COL22A1: variants seen among roughly 807,000 people sequenced by gnomAD.
COL22A1 encodes the protein collagen alpha-1(XXII) chain.
A neutral mutation model predicts 248.9 loss-of-function variants in COL22A1; 221 were observed. The observed-to-expected ratio is 0.89, with a 90% CI of 0.80 to 0.99. COL22A1 has a LOEUF of 0.99. Ranked by LOEUF, COL22A1 falls within the 50% of genes least tolerant of loss-of-function variation. The pLI is 0.00. For missense variants in COL22A1, 2,240 were observed against 2,179.0 expected (o/e 1.03, Z -0.56); for synonymous variants, 891 against 793.4 (o/e 1.12, Z -2.07).
intron 37 of COL22A1, 34 bp from the exon 38 acceptor site, chr8:138,685,346 T>C (rs1299866658): frequency 1.9e-6 from 3 of 1,569,550 alleles, no homozygotes; most frequent in Admixed American, 3.4e-5. Flanking sequence ...CCAGGGTCAA[T>C]TACACTCAGC....
chr8:138,876,518 C>T (rs969954379), intron 3 of COL22A1, among the ~76,000 whole-genome samples: 3 of 152,278 alleles, frequency 2.0e-5, no homozygotes, highest in East Asian at 1.9e-4. Context: ...AAAAGTAGAG[C>T]CCTGATAAGT....
intron 2 of COL22A1, among the ~76,000 whole-genome samples, chr8:138,880,547 A>T (rs576180986): frequency 1.3e-5 from 2 of 152,308 alleles, no homozygotes; most frequent in South Asian, 4.1e-4. Context: ...ATGCTTCCCT[A>T]TGTGACCCGA....
chr8:138,846,288 C>T (rs751010099), intron 3 of COL22A1, among the ~76,000 whole-genome samples: 8 of 152,128 alleles, frequency 5.3e-5, no homozygotes, highest in East Asian at 3.9e-4. Context: ...AAATTTAAGA[C>T]GAGTTGACTC....
intron 3 of COL22A1, among the ~76,000 whole-genome samples, chr8:138,865,554 AGTGT>A: frequency 8.9e-6 from 1 of 112,918 alleles, no homozygotes; most frequent in East Asian, 2.7e-4. Flanking sequence ...TATGCCTGTG[AGTGT>A]ATGTGTGTGT....
At position 138,881,529 on chromosome 8, in the gene COL22A1, C is replaced by CA. The variant is rs373087181; in HGVS notation, c.91+1552dup. On this transcript the variant is annotated intron_variant, in intron 2 of 64. Transcript: ENST00000303045. ...TGAAACCCCGTCTCTACTAAAAATA[C>CA]AAAAAATTAGCCAGGCATGGTGGCA... Among the ~76,000 whole-genome samples, 836 of 152,082 alleles carry CA rather than the reference C, an allele frequency of 5.5e-3. 9 individuals carry two copies. Among genetic ancestry groups the CA allele is most frequent in the African/African-American group, 0.019 (802 of 41,470 alleles).
intron 62 of COL22A1, among the ~76,000 whole-genome samples, chr8:138,595,654 T>TCGTTG (rs1564075705): frequency 6.6e-6 from 1 of 151,946 alleles, no homozygotes; most frequent in African/African-American, 2.4e-5. Context: ...TCGTGTTCTT[T>TCGTTG]TTCCTGCATG....
intron 10 of COL22A1, among the ~76,000 whole-genome samples, chr8:138,805,980 GAT>G (rs1817580909): frequency 8.2e-6 from 1 of 121,402 alleles, no homozygotes; most frequent in Non-Finnish European, 1.9e-5. Context: ...TAGTGTGTGT[GAT>G]TGTGTGTGAT....
chr8:138,719,707 C>T (rs939598929), intron 27 of COL22A1, among the ~76,000 whole-genome samples: 4 of 152,238 alleles, frequency 2.6e-5, no homozygotes, highest in African/African-American at 9.6e-5. Context: ...GTCAGCTTCC[C>T]CCACTGTGTG....
chr8:138,823,261 A>C (rs573473351), intron 6 of COL22A1, among the ~76,000 whole-genome samples: 1 of 152,346 alleles, frequency 6.6e-6, no homozygotes, highest in South Asian at 2.1e-4. Context: ...ACATTTATAT[A>C]GTATTTATTA....
At chr8:138,706,122 C>T (rs1219645669) in intron 30 of COL22A1, among the ~76,000 whole-genome samples, 1 of 152,140 alleles carries the variant, frequency 6.6e-6, no homozygotes, top group Non-Finnish European at 1.5e-5. Context: ...TACAGGAGCA[C>T]CCAGATTCAT....
chr8:138,834,433 A>G (rs1820283135), intron 4 of COL22A1, among the ~76,000 whole-genome samples: 2 of 152,124 alleles, frequency 1.3e-5, no homozygotes, highest in Non-Finnish European at 2.9e-5. Context: ...ATTCTGCCCA[A>G]AGAGATTATT....
chr8:138,720,127 G>C (rs1384472441), intron 27 of COL22A1, among the ~76,000 whole-genome samples: 1 of 152,052 alleles, frequency 6.6e-6, no homozygotes, highest in East Asian at 1.9e-4. Flanking sequence ...CCACTCACAG[G>C]GGCTGCCCTG....
At chr8:138,706,913 A>C (rs957879356) in intron 30 of COL22A1, among the ~76,000 whole-genome samples, 6 of 152,212 alleles carry the variant, frequency 3.9e-5, no homozygotes, top group African/African-American at 1.4e-4. Context: ...AGAAGAGAAG[A>C]GAGAGAATCA....
intron 21 of COL22A1, among the ~76,000 whole-genome samples, chr8:138,751,777 C>T (rs563486646): frequency 1.3e-5 from 2 of 152,360 alleles, no homozygotes; most frequent in East Asian, 3.9e-4. Context: ...CATCCAACAG[C>T]TTGCTTTAGT....
chr8:138,599,096 T>C (rs1364674075), intron 60 of COL22A1, among the ~76,000 whole-genome samples, 198 bp from the exon 61 acceptor site: 4 of 151,958 alleles, frequency 2.6e-5, no homozygotes. Context: ...CAAATGAAAA[T>C]ATGGGGGAGG....
intron 12 of COL22A1, among the ~76,000 whole-genome samples, chr8:138,783,685 C>A (rs190723015): frequency 8.7e-4 from 133 of 152,304 alleles, no homozygotes; most frequent in Non-Finnish European, 1.6e-3. Flanking sequence ...TATTAACCAT[C>A]ACACACGGCC....
chr8:138,831,453 G>C (rs1258405645), intron 5 of COL22A1, among the ~76,000 whole-genome samples: 2 of 152,162 alleles, frequency 1.3e-5, no homozygotes, highest in African/African-American at 4.8e-5. Context: ...CAATTGATCA[G>C]CTAACTTCAA....
chr8:138,670,101 G>A (rs961446933), intron 41 of COL22A1, among the ~76,000 whole-genome samples: 1 of 152,056 alleles, frequency 6.6e-6, no homozygotes, highest in African/African-American at 2.4e-5. Flanking sequence ...TAGCCGGGCT[G>A]GTCTTGAACC....
intron 56 of COL22A1, among the ~76,000 whole-genome samples, chr8:138,612,716 C>A (rs1818962447): frequency 6.6e-6 from 1 of 151,798 alleles, no homozygotes; most frequent in Non-Finnish European, 1.5e-5. Flanking sequence ...CACTTGAGGT[C>A]AGGAGTTCGA....
Sources: gnomAD v4.1 joint callset for allele counts (sites outside exome capture counted in the v4.1 genomes callset) on GRCh38, gnomAD v4.1.1 for gene constraint, MANE v1.5 for transcripts, NCBI Gene and HGNC (gene_info 2026-07-23, HGNC 2026-07-21) for gene names.